The following C1orf21 variants were observed in gnomAD, a reference collection of about 807,000 sequenced individuals.
C1orf21 encodes chromosome 1 open reading frame 21, also known as uncharacterized protein C1orf21.
Under a neutral mutation model 18.7 loss-of-function variants are expected in C1orf21, and 3 were observed. The observed-to-expected ratio is 0.16, with a 90% confidence interval of 0.07 to 0.42. The LOEUF (loss-of-function observed/expected upper bound fraction) is 0.42, where lower values mean the gene tolerates loss of function less well. C1orf21 is among the 10% of genes least tolerant of loss of function. C1orf21 has a pLI of 0.99. For missense variants in C1orf21, 104 were observed against 143.6 expected, an observed-to-expected ratio of 0.72 and a Z score of 1.41; for synonymous variants, 41 against 46.4, an observed-to-expected ratio of 0.88 and a Z score of 0.47.
chr1:184,490,948 A>G (rs923975798), intron 2 of C1orf21, among the ~76,000 whole-genome samples: 3 of 152,050 alleles, frequency 2.0e-5, no homozygotes, highest in African/African-American at 4.8e-5. Context: ...AAAGCATTTT[A>G]TAACTATGTA....
chr1:184,404,765 T>G (rs1656218524), intron 1 of C1orf21, among the ~76,000 whole-genome samples: 1 of 152,188 alleles, frequency 6.6e-6, no homozygotes, highest in East Asian at 1.9e-4. Flanking sequence ...TAAGTGAATG[T>G]TAACATCAAT....
chr1:184,553,668 GA>G (rs1017892034), intron 3 of C1orf21, among the ~76,000 whole-genome samples: 15 of 152,282 alleles, frequency 9.9e-5, no homozygotes, highest in African/African-American at 3.6e-4. Context: ...GAGACCCAAA[GA>G]TCCAGGAGCA....
intron 3 of C1orf21, among the ~76,000 whole-genome samples, chr1:184,570,449 T>C (rs1366502017): frequency 6.6e-6 from 1 of 152,200 alleles, no homozygotes; most frequent in African/African-American, 2.4e-5. Context: ...TACATACTAA[T>C]TGTAGTAAAG....
At chr1:184,402,441 T>A (rs1026462592) in intron 1 of C1orf21, among the ~76,000 whole-genome samples, 1 of 152,068 alleles carries the variant, frequency 6.6e-6, no homozygotes, top group Non-Finnish European at 1.5e-5. Context: ...GGCAATATAA[T>A]GAGACCTCAT....
intron 1 of C1orf21, among the ~76,000 whole-genome samples, chr1:184,461,181 C>T (rs940589262): frequency 6.6e-6 from 1 of 152,174 alleles, no homozygotes; most frequent in Non-Finnish European, 1.5e-5. Flanking sequence ...GGTCTGTTCT[C>T]ATGCCAGTTG....
At chr1:184,443,974 C>A (rs1025959659) in intron 1 of C1orf21, among the ~76,000 whole-genome samples, 1 of 152,094 alleles carries the variant, frequency 6.6e-6, no homozygotes, top group African/African-American at 2.4e-5. Flanking sequence ...TGAGAATGAG[C>A]TGGTCATTGA....
chr1:184,388,886 T>C (rs1049167553), intron 1 of C1orf21, among the ~76,000 whole-genome samples: 12 of 152,156 alleles, frequency 7.9e-5, no homozygotes, highest in African/African-American at 2.9e-4. Context: ...AGATGCTGAA[T>C]TTGGAGTTTT....
chr1:184,465,985 T>A (rs1462830674), intron 1 of C1orf21, among the ~76,000 whole-genome samples: 2 of 152,212 alleles, frequency 1.3e-5, no homozygotes, highest in East Asian at 3.8e-4. Flanking sequence ...TTCCTGCCTG[T>A]GTTGTCTAGT....
intron 3 of C1orf21, among the ~76,000 whole-genome samples, chr1:184,549,934 G>T (rs1658789312): frequency 6.6e-6 from 1 of 152,124 alleles, no homozygotes. Context: ...CAACTTTACA[G>T]TGGTGTGGAA....
chr1:184,554,202 T>G (rs1174286688), intron 3 of C1orf21, among the ~76,000 whole-genome samples: 3 of 152,232 alleles, frequency 2.0e-5, no homozygotes, highest in Non-Finnish European at 4.4e-5. Flanking sequence ...TCTTCTTGTA[T>G]CTTTTCCTTC....
Position 184,566,601 on chromosome 1 carries a change from T to G in C1orf21, c.190-24138T>G, listed in dbSNP as rs978112967. 2.4e-5 allele frequency: 9 copies of G among 376,344 alleles called. No individual in the cohort carries two copies. In the Admixed American group the frequency reaches 2.5e-4, roughly 10 times the overall value. The allele number at this position is 376,344 out of a possible 1,614,324, so 23.3% of individuals were successfully genotyped here. On this transcript the variant is annotated intron_variant, in intron 3 of 5. Coordinates refer to ENST00000235307, the MANE Select transcript of C1orf21 (RefSeq NM_030806.4). The stretch of plus-strand genomic sequence containing the variant: ...CTTCTCCAAACCAAGACTGCTTCCC[T>G]GGTGTGCCATAAAACCACCAGGTTG...
intron 5 of C1orf21, among the ~76,000 whole-genome samples, chr1:184,618,607 A>T (rs1659867540): frequency 6.6e-6 from 1 of 152,080 alleles, no homozygotes; most frequent in Non-Finnish European, 1.5e-5. Context: ...TGGTACTTTT[A>T]GAAATAAGTT....
intron 1 of C1orf21, among the ~76,000 whole-genome samples, chr1:184,440,392 G>A (rs748837044): frequency 9.9e-5 from 15 of 152,016 alleles, no homozygotes; most frequent in Middle Eastern, 3.2e-3. Context: ...ACAGGCGCAC[G>A]CCCTACACCG....
intron 1 of C1orf21, among the ~76,000 whole-genome samples, chr1:184,448,890 C>A (rs1040709990): frequency 1.3e-5 from 2 of 152,084 alleles, no homozygotes; most frequent in Admixed American, 1.3e-4. Flanking sequence ...TTCTTAGTGA[C>A]CACTTCAAAG....
intron 3 of C1orf21, chr1:184,567,371 C>G (rs1659049017): frequency 6.1e-6 from 3 of 490,082 alleles, no homozygotes; most frequent in Admixed American, 4.4e-5. Context: ...GTCCACCTAC[C>G]AGCTCTTGTT....
At chr1:184,532,285 C>T (rs1449804388) in intron 3 of C1orf21, among the ~76,000 whole-genome samples, 1 of 152,100 alleles carries the variant, frequency 6.6e-6, no homozygotes, top group African/African-American at 2.4e-5. Context: ...AAAAATAATA[C>T]CCGTCTTACA....
chr1:184,580,138 T>C (rs1345805573), intron 3 of C1orf21, among the ~76,000 whole-genome samples: 13 of 151,804 alleles, frequency 8.6e-5, no homozygotes, highest in Non-Finnish European at 1.9e-4. Flanking sequence ...CCCTAAAAAT[T>C]TTTGCCATGA....
intron 1 of C1orf21, among the ~76,000 whole-genome samples, chr1:184,452,226 A>G (rs1298247092): frequency 1.3e-5 from 2 of 152,216 alleles, no homozygotes; most frequent in Non-Finnish European, 1.5e-5. Flanking sequence ...CAGGAGAGCA[A>G]TGAAAGATGA....
rs1429204895 is a variant in C1orf21 at position 184,493,670 on chromosome 1, A to G, written c.95-13918A>G. 2.6e-5 allele frequency among the ~76,000 whole-genome samples: 4 copies of G among 152,324 alleles called. No individual in the cohort carries two copies. In the South Asian group the frequency reaches 8.3e-4, roughly 32 times the overall value. On this transcript the variant is annotated intron_variant, in intron 2 of 5. Coordinates refer to ENST00000235307, the MANE Select transcript of C1orf21 (RefSeq NM_030806.4). ...AGGATTTTATTTTTAATGTGGCACC[A>G]AGTATTTTTGCATTTATTGTGTTAG...
Sources: allele counts gnomAD v4.1 joint callset (sites outside exome capture counted in the v4.1 genomes callset), GRCh38; gene constraint gnomAD v4.1.1; transcripts MANE v1.5; gene names NCBI Gene and HGNC (gene_info 2026-07-23, HGNC 2026-07-21).